Variants in L3MBTL1 observed in about 807,000 individuals in gnomAD.
L3MBTL1 encodes the protein lethal(3)malignant brain tumor-like protein 1.
Under a neutral mutation model 105.3 loss-of-function variants are expected in L3MBTL1, and 75 were observed. The ratio of observed to expected loss-of-function variants is 0.71; its 90% CI spans 0.59 to 0.86. L3MBTL1 has a LOEUF of 0.86. Among genes scored for constraint, L3MBTL1 ranks in the 40% least tolerant of loss-of-function variants. The pLI, the probability that L3MBTL1 is intolerant of heterozygous loss-of-function variation, is 0.00. For synonymous variants in L3MBTL1, 452 were observed against 436.2 expected (o/e 1.04, Z -0.45); for missense variants, 1,069 against 1,126.4 (o/e 0.95, Z 0.73).
At chr20:43,533,160 TTAGA>T (rs1170109409) in intron 12 of L3MBTL1, among the ~76,000 whole-genome samples, 178 bp from the exon 13 acceptor site, 1 of 152,112 alleles carries the variant, frequency 6.6e-6, no homozygotes, top group African/African-American at 2.4e-5. Flanking sequence ...TGATTTTCCC[TTAGA>T]TATTATGGTG....
At position 43,541,317 on chromosome 20, in the gene L3MBTL1, A is replaced by C. The variant is rs901530169; in HGVS notation, c.*189A>C. The C allele has an allele frequency of 4.4e-6, 5 of 1,145,108 alleles. No individual in the cohort carries two copies. The African/African-American group carries it at 7.8e-5, about 18-fold the overall frequency. The allele number at this position is 1,145,108 out of a possible 1,614,324, so 70.9% of individuals were successfully genotyped here. A position where few individuals can be genotyped will look rare whatever the true frequency, so the allele number is the denominator to read the frequency against. On this transcript the variant is annotated 3_prime_UTR_variant, in exon 22 of 22. Coordinates refer to ENST00000418998, the MANE Select transcript of L3MBTL1 (RefSeq NM_001377303.1). ...TCTGGGTTTAAATCCCAGTTCTGTC[A>C]ATTTGAGCTGTTTACTGTCTCTGAG...
At chr20:43,524,007 A>AG (rs932786490) in intron 7 of L3MBTL1, among the ~76,000 whole-genome samples, 3 of 151,666 alleles carry the variant, frequency 2.0e-5, no homozygotes, top group Non-Finnish European at 1.5e-5. Context: ...AAAAAAAAAA[A>AG]AAAGAAACAG....
chr20:43,516,014 G>A (rs760261104), intron 6 of L3MBTL1, 79 bp from the exon 7 acceptor site: 31 of 1,099,276 alleles, frequency 2.8e-5, no homozygotes, highest in Non-Finnish European at 4.2e-5. Flanking sequence ...AGAGAGCCAG[G>A]TAGGGGCCAG....
chr20:43,539,806 T>C, intron 19 of L3MBTL1: 2 of 382,046 alleles, frequency 5.2e-6, no homozygotes, highest in Admixed American at 3.7e-5. Context: ...AAGGACCCTT[T>C]TGATGGTTGG....
At chr20:43,543,852 A>G (rs1001239833), downstream of L3MBTL1, among the ~76,000 whole-genome samples, 3 of 152,204 alleles carry the variant, frequency 2.0e-5, no homozygotes, top group Admixed American at 2.0e-4. Context: ...TCTCTTTGTC[A>G]TCTTTATTGT....
rs1297467194 is a variant in L3MBTL1 at position 43,534,370 on chromosome 20, G to T, written c.1686G>T (p.Glu562Asp). The T allele has an allele frequency of 6.2e-7, 1 of 1,614,112 alleles. No homozygotes were observed. Residue 562 changes from glutamate (E) to aspartate (D), a missense_variant, in exon 15 of 22, where the codon GAG becomes GAT. Coordinates refer to ENST00000418998, the MANE Select transcript of L3MBTL1 (RefSeq NM_001377303.1). ...NPALIRVASVEDVEDHRIKIH... is the reference protein window; with the variant it reads ...NPALIRVASVDDVEDHRIKIH... Reference sequence around the variant, plus strand: ...CCCTGATTCGCGTGGCCAGCGTGGAGGATGTGGAGGACCATCGGATAAAGG... The same window carrying T: ...CCCTGATTCGCGTGGCCAGCGTGGATGATGTGGAGGACCATCGGATAAAGG...
At chr20:43,531,557 A>G (rs2019335372) in intron 11 of L3MBTL1, 1 of 151,916 alleles carries the variant, frequency 6.6e-6, no homozygotes, top group Non-Finnish European at 1.5e-5. Flanking sequence ...TCTACTAAAA[A>G]TATAAAAAAT....
In L3MBTL1 at chr20:43,529,256, G is replaced by C; in HGVS notation, c.952-8G>C. The C allele has an allele frequency of 6.2e-7, 1 of 1,600,996 alleles. No homozygotes were observed. The highest frequency in any genetic ancestry group is 8.5e-7 in the Non-Finnish European group (1 of 1,171,566). On this transcript the variant is annotated splice_region_variant and splice_polypyrimidine_tract_variant and intron_variant, in intron 8 of 21. Coordinates refer to ENST00000418998, the MANE Select transcript of L3MBTL1 (RefSeq NM_001377303.1). Reference sequence around the variant, plus strand: ...AAGCTGGGTCCTCTCCACTCTGTGCGTTGACAGTCCCAGGCAGTCACTCAC... The same window carrying C: ...AAGCTGGGTCCTCTCCACTCTGTGCCTTGACAGTCCCAGGCAGTCACTCAC...
chr20:43,523,652 C>G (rs984292258), intron 7 of L3MBTL1: 1 of 193,180 alleles, frequency 5.2e-6, no homozygotes, highest in Non-Finnish European at 1.1e-5. Context: ...AAGGTCTGTA[C>G]TGGTCAACAA....
At chr20:43,546,498 T>C (rs1978607688), downstream of L3MBTL1, among the ~76,000 whole-genome samples, 1 of 152,202 alleles carries the variant, frequency 6.6e-6, no homozygotes, top group Non-Finnish European at 1.5e-5. Flanking sequence ...GAGGATTAAC[T>C]GAGTTAATAC....
intron 7 of L3MBTL1, among the ~76,000 whole-genome samples, chr20:43,524,320 A>T (rs181081357): frequency 4.3e-4 from 66 of 152,212 alleles, no homozygotes; most frequent in African/African-American, 1.5e-3. Flanking sequence ...TCAGTTTTTG[A>T]TACATAGTTA....
exon 19 of L3MBTL1, chr20:43,548,166 T>C (rs2145509744): frequency 7.7e-7 from 1 of 1,304,414 alleles, no homozygotes; most frequent in African/African-American, 1.5e-5. Flanking sequence ...GTGAAGATCA[T>C]GAGCGTCAAG....
At chr20:43,519,192 C>T (rs2018574510) in intron 7 of L3MBTL1, among the ~76,000 whole-genome samples, 1 of 151,570 alleles carries the variant, frequency 6.6e-6, no homozygotes, top group African/African-American at 2.4e-5. Flanking sequence ...CAAATATTAG[C>T]TGGGCATGGT....
chr20:43,533,960 C>T (rs1272068830), intron 13 of L3MBTL1, 48 bp from the exon 14 acceptor site: 4 of 1,385,724 alleles, frequency 2.9e-6, no homozygotes, highest in Non-Finnish European at 4.1e-6. Context: ...CAGAGGGCTT[C>T]CGCAGTACAC....
intron 7 of L3MBTL1, among the ~76,000 whole-genome samples, chr20:43,524,855 A>AC (rs1200090682): frequency 6.6e-6 from 1 of 152,180 alleles, no homozygotes. Flanking sequence ...TAGCTAGTTC[A>AC]CCAAGGCTGT....
downstream of L3MBTL1, among the ~76,000 whole-genome samples, chr20:43,545,825 G>T (rs1258491545): frequency 6.6e-6 from 1 of 152,202 alleles, no homozygotes; most frequent in Non-Finnish European, 1.5e-5. Context: ...AGTGAATTGG[G>T]AAAGATCAGG....
intron 7 of L3MBTL1, among the ~76,000 whole-genome samples, chr20:43,522,549 G>T (rs555765036): frequency 3.8e-4 from 47 of 125,054 alleles, no homozygotes; most frequent in African/African-American, 1.5e-3. Flanking sequence ...TCCGCTCACT[G>T]TGACCCCCGC....
intron 13 of L3MBTL1, 132 bp downstream of exon 13, chr20:43,533,550 C>A: frequency 1.4e-6 from 1 of 705,952 alleles, no homozygotes; most frequent in Non-Finnish European, 2.3e-6. Flanking sequence ...TGTCCTGAAG[C>A]CTCAGCTTCT....
chr20:43,536,361 G>C (rs769911508), intron 18 of L3MBTL1, 48 bp from the exon 19 acceptor site: 15 of 1,613,140 alleles, frequency 9.3e-6, no homozygotes, highest in African/African-American at 2.7e-5. Context: ...CTCTTGGACT[G>C]GGCCAGACAC....
Sources: allele counts gnomAD v4.1 joint callset (sites outside exome capture counted in the v4.1 genomes callset), GRCh38; gene constraint gnomAD v4.1.1; transcripts MANE v1.5; gene names NCBI Gene and HGNC (gene_info 2026-07-23, HGNC 2026-07-21).